TMCC1: variants seen among roughly 807,000 people sequenced by gnomAD.
The protein encoded by TMCC1 is transmembrane and coiled-coil domain family 1, also known as transmembrane and coiled-coil domains protein 1.
In TMCC1, 15 loss-of-function variants were observed where a neutral mutation model predicts 52.4. The observed-to-expected ratio is 0.29, with a 90% confidence interval of 0.19 to 0.44. TMCC1 has a LOEUF of 0.44. Among genes scored for constraint, TMCC1 ranks in the 20% least tolerant of loss-of-function variants. The pLI, the probability that TMCC1 is intolerant of heterozygous loss-of-function variation, is 1.00. For synonymous variants in TMCC1, 279 were observed against 301.9 expected (o/e 0.92, Z 0.79); for missense variants, 503 against 806.0 (o/e 0.62, Z 4.55).
At chr3:129,760,579 G>A (rs988296518) in intron 4 of TMCC1, among the ~76,000 whole-genome samples, 2 of 151,848 alleles carry the variant, frequency 1.3e-5, no homozygotes, top group African/African-American at 4.8e-5. Context: ...CCGGGTTCAC[G>A]CCATTCTCCT....
chr3:129,874,982 T>A (rs1273755827), intron 2 of TMCC1, among the ~76,000 whole-genome samples: 1 of 152,174 alleles, frequency 6.6e-6, no homozygotes, highest in Non-Finnish European at 1.5e-5. Flanking sequence ...AATATTTGAG[T>A]ACTGTCTTAA....
In TMCC1 at chr3:129,651,820, T is replaced by G; in HGVS notation, c.1648-25A>C. On this transcript the variant is annotated intron_variant, in intron 6 of 6. Coordinates refer to ENST00000393238, the MANE Select transcript of TMCC1 (RefSeq NM_001017395.5). This position sits in a 1 kb window ranked among gnomAD's most constrained non-coding sequence, Gnocchi z 5.1. Reference sequence around the variant, plus strand: ...CCTGTGGGCCAGAACAGGGAAGAGTTAAGCCTTCTGCTCACAAGTATTCTG... The same window carrying G: ...CCTGTGGGCCAGAACAGGGAAGAGTGAAGCCTTCTGCTCACAAGTATTCTG... 2.5e-6 allele frequency: 4 copies of G among 1,598,440 alleles called. No individual in the cohort carries two copies. Among genetic ancestry groups the G allele is most frequent in the Non-Finnish European group, 3.4e-6 (4 of 1,172,020 alleles).
intron 4 of TMCC1, among the ~76,000 whole-genome samples, chr3:129,825,488 A>G (rs2058617812): frequency 7.2e-6 from 1 of 139,608 alleles, no homozygotes; most frequent in Non-Finnish European, 1.5e-5. Flanking sequence ...TAACTTCCAA[A>G]CTTTCCCTTT....
chr3:129,849,363 G>C (rs1319646003), intron 2 of TMCC1, among the ~76,000 whole-genome samples: 1 of 151,994 alleles, frequency 6.6e-6, no homozygotes, highest in Non-Finnish European at 1.5e-5. Context: ...GGGAGGCTGA[G>C]GCATGAGAAT....
intron 2 of TMCC1, among the ~76,000 whole-genome samples, chr3:129,860,421 G>C (rs1304055179): frequency 6.6e-6 from 1 of 151,756 alleles, no homozygotes; most frequent in Non-Finnish European, 1.5e-5. Context: ...GGGGAGATGC[G>C]GTGGGGGGAA....
At chr3:129,700,275 C>T (rs1226665085) in intron 4 of TMCC1, among the ~76,000 whole-genome samples, 2 of 151,590 alleles carry the variant, frequency 1.3e-5, no homozygotes, top group Non-Finnish European at 2.9e-5. Context: ...CGGCATATTG[C>T]TAAATAAATC....
chr3:129,831,286 T>C (rs1436458497), intron 3 of TMCC1, among the ~76,000 whole-genome samples: 2 of 152,180 alleles, frequency 1.3e-5, no homozygotes, highest in Middle Eastern at 3.2e-3. Flanking sequence ...AAGGAAATGT[T>C]AGCATTTCCT....
intron 2 of TMCC1, among the ~76,000 whole-genome samples, chr3:129,857,854 C>A (rs894800376): frequency 3.9e-5 from 6 of 152,226 alleles, no homozygotes; most frequent in Admixed American, 1.3e-4. Context: ...TGAGCCACTG[C>A]GCCCAGCCAT....
intron 2 of TMCC1, among the ~76,000 whole-genome samples, chr3:129,845,929 G>C (rs926040576): frequency 1.3e-5 from 2 of 152,190 alleles, no homozygotes; most frequent in African/African-American, 4.8e-5. Flanking sequence ...AGCTGCTCAA[G>C]AGGCTGAGGT....
chr3:129,654,990 T>C lies in TMCC1; in HGVS notation c.1625A>G (p.Tyr542Cys). The change falls in exon 6 of 7, where the codon TAT (tyrosine) becomes TGT (cysteine). Residue 542 changes from tyrosine to cysteine, a missense_variant. Around this residue, in one of 7 missense-constraint regions of TMCC1, gnomAD observed 121 missense variants for 193.6 expected, o/e 0.62. Transcript: ENST00000393238. ...AACCTGGATGTCCCGGGCCCGTTCA[T>C]AGGACTGATACGCGATTTTTTCTTC... is the stretch of plus-strand genomic sequence containing the variant. ...SMEEKIAYQS[Y>C]ERARDIQEAL... 9.9e-6 allele frequency: 16 copies of C among 1,614,148 alleles called. No individual in the cohort carries two copies. The highest frequency in any genetic ancestry group is 1.4e-5 in the Non-Finnish European group (16 of 1,180,010).
chr3:129,893,608 C>T lies in TMCC1; in HGVS notation c.-549G>A, dbSNP rs995921048. 21 of 152,230 alleles carry T rather than the reference C, an allele frequency of 1.4e-4. No homozygotes were observed. In the South Asian group the frequency reaches 2.1e-3, roughly 15 times the overall value. The allele number at this position is 152,230 out of a possible 1,614,324, so 9.4% of individuals were successfully genotyped here. On this transcript the variant is annotated 5_prime_UTR_variant, in exon 1 of 7. Transcript: ENST00000393238. Reference sequence around the variant, plus strand: ...GGTCCATCCCCCACAACCACCCCCCCCTCCCGACCCTCCCCCCGCGCCGCC... The same window carrying T: ...GGTCCATCCCCCACAACCACCCCCCTCTCCCGACCCTCCCCCCGCGCCGCC...
intron 4 of TMCC1, among the ~76,000 whole-genome samples, chr3:129,749,558 T>C (rs2052310914): frequency 6.6e-6 from 1 of 152,176 alleles, no homozygotes; most frequent in Non-Finnish European, 1.5e-5. Flanking sequence ...AAGATGTTTT[T>C]ACAAATTAGT....
chr3:129,686,409 T>C (rs1275873183), intron 4 of TMCC1, among the ~76,000 whole-genome samples: 1 of 152,160 alleles, frequency 6.6e-6, no homozygotes, highest in Admixed American at 6.6e-5. Context: ...ACCTAGATCT[T>C]CATTTTACAG....
intron 4 of TMCC1, among the ~76,000 whole-genome samples, chr3:129,673,900 A>G (rs985758805): frequency 2.6e-5 from 4 of 152,212 alleles, no homozygotes; most frequent in African/African-American, 9.6e-5. Context: ...ATTTCGGTCA[A>G]TGATGGACTG....
intron 4 of TMCC1, among the ~76,000 whole-genome samples, chr3:129,781,309 C>T (rs2055505398): frequency 6.6e-6 from 1 of 152,172 alleles, no homozygotes; most frequent in African/African-American, 2.4e-5. Flanking sequence ...CATTAATTCA[C>T]TCAATAAATG....
At chr3:129,854,016 T>C (rs1406700029) in intron 2 of TMCC1, among the ~76,000 whole-genome samples, 1 of 152,182 alleles carries the variant, frequency 6.6e-6, no homozygotes, top group Non-Finnish European at 1.5e-5. Flanking sequence ...ACCTATCACA[T>C]GGACAACTAA....
intron 4 of TMCC1, among the ~76,000 whole-genome samples, chr3:129,789,664 TAG>T (rs1280263474): frequency 1.3e-5 from 2 of 152,204 alleles, no homozygotes; most frequent in African/African-American, 4.8e-5. Context: ...GTATTTTTAG[TAG>T]AGACGGGGTT....
chr3:129,771,774 CAAAAAAAA>C (rs755523077), intron 4 of TMCC1, among the ~76,000 whole-genome samples: 4 of 75,660 alleles, frequency 5.3e-5, no homozygotes, highest in African/African-American at 7.9e-5. Context: ...GACACTGTCT[CAAAAAAAA>C]AAAAAAAAAA....
intron 4 of TMCC1, among the ~76,000 whole-genome samples, chr3:129,759,989 A>G (rs930909668): frequency 2.0e-5 from 3 of 151,580 alleles, no homozygotes; most frequent in Admixed American, 6.6e-5. Context: ...CCAAAGTGCT[A>G]GGATTACAGG....
Sources: allele counts gnomAD v4.1 joint callset (sites outside exome capture counted in the v4.1 genomes callset), GRCh38; gene constraint gnomAD v4.1.1; regional missense constraint gnomAD v4.1.1; non-coding constraint Gnocchi (gnomAD v3.1); transcripts MANE v1.5; gene names NCBI Gene and HGNC (gene_info 2026-07-23, HGNC 2026-07-21).